The following NRG1 variants were observed in gnomAD, a reference collection of about 807,000 sequenced individuals.
NRG1 encodes pro-neuregulin-1, membrane-bound isoform.
A neutral mutation model predicts 63.8 loss-of-function variants in NRG1; 18 were observed. That is an observed-to-expected ratio of 0.28 (90% CI 0.19 to 0.42). The LOEUF (loss-of-function observed/expected upper bound fraction) is 0.42, where lower values mean the gene tolerates loss of function less well. Among genes scored for constraint, NRG1 ranks in the 10% least tolerant of loss-of-function variants. The pLI, the probability that NRG1 is intolerant of heterozygous loss-of-function variation, is 1.00. For missense variants in NRG1, 762 were observed against 814.7 expected, an observed-to-expected ratio of 0.94 and a Z score of 0.79; for synonymous variants, 302 against 301.3, an observed-to-expected ratio of 1.00 and a Z score of -0.02.
At chr8:32,005,142 GA>G (rs1813561268) in intron 1 of NRG1, among the ~76,000 whole-genome samples, 1 of 151,560 alleles carries the variant, frequency 6.6e-6, no homozygotes, top group African/African-American at 2.4e-5. Flanking sequence ...TGGAAGAGAG[GA>G]AGGAAGGAGG....
At chr8:31,704,633 C>A (rs1263954331) in intron 1 of NRG1, among the ~76,000 whole-genome samples, 1 of 151,858 alleles carries the variant, frequency 6.6e-6, no homozygotes, top group Non-Finnish European at 1.5e-5. Flanking sequence ...GAGATCGAGA[C>A]CATCCTGGCT....
chr8:32,184,090 ATGTG>A (rs34898466), intron 1 of NRG1, among the ~76,000 whole-genome samples: 26 of 145,450 alleles, frequency 1.8e-4, no homozygotes, highest in Non-Finnish European at 9.1e-5. Flanking sequence ...CTATATATGT[ATGTG>A]TGTGTGTGTG....
chr8:32,482,803 A>G (rs1315668800), intron 1 of NRG1, among the ~76,000 whole-genome samples: 1 of 152,160 alleles, frequency 6.6e-6, no homozygotes, highest in Non-Finnish European at 1.5e-5. Flanking sequence ...AGAGGGTGGG[A>G]ACAGGGTAGT....
At chr8:32,349,998 A>C (rs1463400530) in intron 1 of NRG1, among the ~76,000 whole-genome samples, 4 of 152,108 alleles carry the variant, frequency 2.6e-5, no homozygotes, top group Non-Finnish European at 5.9e-5. Flanking sequence ...TTTTCCTCTC[A>C]GGTTTTGAGG....
intron 1 of NRG1, among the ~76,000 whole-genome samples, chr8:32,199,481 A>G (rs1843283474): frequency 6.6e-6 from 1 of 152,176 alleles, no homozygotes. Flanking sequence ...CTCTCCATTT[A>G]GAATATTTTT....
At chr8:32,031,202 C>T (rs1029876525) in intron 1 of NRG1, among the ~76,000 whole-genome samples, 3 of 152,210 alleles carry the variant, frequency 2.0e-5, no homozygotes, top group Non-Finnish European at 4.4e-5. Flanking sequence ...GGCTACCATC[C>T]ATCACCAGGC....
At chr8:32,412,399 CCTCTCTCT>C (rs36067415) in intron 1 of NRG1, among the ~76,000 whole-genome samples, 1 of 93,012 alleles carries the variant, frequency 1.1e-5, no homozygotes, top group Non-Finnish European at 2.1e-5. Context: ...CTCTCTCTCT[CCTCTCTCT>C]CTCTCTCTCT....
At chr8:31,885,986 G>A (rs1223057204) in intron 1 of NRG1, among the ~76,000 whole-genome samples, 2 of 152,048 alleles carry the variant, frequency 1.3e-5, no homozygotes, top group Non-Finnish European at 2.9e-5. Flanking sequence ...CTGGTTAAGG[G>A]AAACAAGAAA....
intron 1 of NRG1, among the ~76,000 whole-genome samples, chr8:31,704,832 A>G (rs1380146132): frequency 5.2e-5 from 1 of 19,180 alleles, no homozygotes; most frequent in Non-Finnish European, 1.1e-4. Flanking sequence ...ACTCCGTCTA[A>G]AAAAAAAAAA....
intron 6 of NRG1, among the ~76,000 whole-genome samples, chr8:32,735,395 T>C (rs924606796): frequency 6.6e-6 from 1 of 152,202 alleles, no homozygotes; most frequent in Non-Finnish European, 1.5e-5. Context: ...CCCATAAATG[T>C]ATACAAGTAC....
intron 1 of NRG1, among the ~76,000 whole-genome samples, chr8:31,651,866 T>A (rs1349216518): frequency 6.6e-6 from 1 of 152,194 alleles, no homozygotes; most frequent in Non-Finnish European, 1.5e-5. Flanking sequence ...TTATAAATTA[T>A]GTTTCCTCAA....
intron 7 of NRG1, among the ~76,000 whole-genome samples, chr8:32,746,441 C>T (rs1182812820): frequency 6.6e-6 from 1 of 152,086 alleles, no homozygotes; most frequent in Admixed American, 6.6e-5. Context: ...CAAATTTTAA[C>T]AGGAACCACA....
chr8:31,743,062 G>A (rs1330062765), intron 1 of NRG1, among the ~76,000 whole-genome samples: 1 of 151,964 alleles, frequency 6.6e-6, no homozygotes, highest in African/African-American at 2.4e-5. Flanking sequence ...TGACAGTCCA[G>A]TCCCATCACC....
At chr8:32,442,419 G>C (rs1819667500) in intron 1 of NRG1, 1 of 152,204 alleles carries the variant, frequency 6.6e-6, no homozygotes, top group African/African-American at 2.4e-5. Flanking sequence ...AAGGCTTCAT[G>C]ACTTTCTGGT....
chr8:32,563,294 G>A (rs757162092), intron 1 of NRG1, among the ~76,000 whole-genome samples: 72 of 152,162 alleles, frequency 4.7e-4, no homozygotes, highest in Non-Finnish European at 8.7e-4. Context: ...AAGAATAATA[G>A]TCACATAAAG....
intron 1 of NRG1, among the ~76,000 whole-genome samples, chr8:32,541,450 A>G (rs967901322): frequency 4.0e-5 from 6 of 151,852 alleles, no homozygotes; most frequent in African/African-American, 1.5e-4. Context: ...AATTTCCTAT[A>G]TACTATAATC....
chr8:32,179,956 C>T (rs1487627282), intron 1 of NRG1, among the ~76,000 whole-genome samples: 2 of 152,038 alleles, frequency 1.3e-5, no homozygotes, highest in Non-Finnish European at 2.9e-5. Flanking sequence ...TGTATACAAA[C>T]CCCGCACAAA....
At chr8:31,889,892 A>T (rs1489216857) in intron 1 of NRG1, among the ~76,000 whole-genome samples, 1 of 152,214 alleles carries the variant, frequency 6.6e-6, no homozygotes, top group Non-Finnish European at 1.5e-5. Context: ...AGGAAAGTGG[A>T]TCAATCCATG....
At chr8:31,671,865 C>G (rs979045020) in intron 1 of NRG1, among the ~76,000 whole-genome samples, 1 of 151,872 alleles carries the variant, frequency 6.6e-6, no homozygotes, top group Admixed American at 6.6e-5. Flanking sequence ...TTCTCAATAG[C>G]AGAAAATAGA....
Sources: allele counts gnomAD v4.1 joint callset (sites outside exome capture counted in the v4.1 genomes callset), GRCh38; gene constraint gnomAD v4.1.1; transcripts MANE v1.5; gene names NCBI Gene and HGNC (gene_info 2026-07-23, HGNC 2026-07-21).